SV2C: variants seen among roughly 807,000 people sequenced by gnomAD.
SV2C encodes solute carrier family 22 member B3.
SV2C carries 49 observed loss-of-function variants against 79.7 expected under a neutral mutation model. That is an observed-to-expected ratio of 0.61 (90% CI 0.49 to 0.78). The LOEUF (loss-of-function observed/expected upper bound fraction) is 0.78. Among genes scored for constraint, SV2C ranks in the 30% least tolerant of loss-of-function variants. The pLI is 0.00. For synonymous variants in SV2C, 334 were observed against 333.2 expected (o/e 1.00, Z -0.03); for missense variants, 833 against 912.9 (o/e 0.91, Z 1.13).
chr5:75,942,575 C>T, the SV2C span, among the ~76,000 whole-genome samples: 1 of 152,282 alleles, frequency 6.6e-6, no homozygotes, highest in African/African-American at 2.4e-5. Context: ...AATAAATGAA[C>T]TTATGTAAGC....
intron 4 of SV2C, among the ~76,000 whole-genome samples, chr5:76,238,997 A>G (rs989935447): frequency 1.3e-5 from 2 of 152,058 alleles, no homozygotes; most frequent in Non-Finnish European, 2.9e-5. Flanking sequence ...GAATTTCATT[A>G]TTTTCAGCCT....
intron 2 of SV2C, among the ~76,000 whole-genome samples, chr5:76,153,390 TTC>T (rs1425936430): frequency 2.6e-5 from 4 of 152,334 alleles, no homozygotes; most frequent in African/African-American, 9.6e-5. Context: ...TCCTGTAGTC[TTC>T]TCTCTGCTTC....
the SV2C span, among the ~76,000 whole-genome samples, chr5:76,033,680 A>G: frequency 5.5e-3 from 841 of 152,262 alleles, 4 homozygotes; most frequent in African/African-American, 0.019. Flanking sequence ...GTCAGGTAGC[A>G]TGATGCCTCC....
intron 2 of SV2C, among the ~76,000 whole-genome samples, chr5:76,160,449 G>A (rs1300745458): frequency 6.6e-6 from 1 of 152,088 alleles, no homozygotes; most frequent in Non-Finnish European, 1.5e-5. Context: ...ATTTTCAACA[G>A]GAATGCCAAG....
At chr5:76,349,630 C>CCACAAGAA (rs1036276238) in intron 12 of SV2C, among the ~76,000 whole-genome samples, 3 of 151,954 alleles carry the variant, frequency 2.0e-5, no homozygotes, top group African/African-American at 7.2e-5. Flanking sequence ...TTTTGGCTCT[C>CCACAAGAA]CACAAGAACA....
At chr5:76,238,312 G>GTGTGTGTA (rs1323355705) in intron 4 of SV2C, among the ~76,000 whole-genome samples, 1 of 151,898 alleles carries the variant, frequency 6.6e-6, no homozygotes, top group African/African-American at 2.4e-5. Flanking sequence ...GTATGTGTGT[G>GTGTGTGTA]TGTGTGTATG....
the SV2C span, among the ~76,000 whole-genome samples, chr5:75,954,011 G>T: frequency 6.6e-6 from 1 of 151,894 alleles, no homozygotes; most frequent in Non-Finnish European, 1.5e-5. Flanking sequence ...AGATTCTCAG[G>T]ATAGGATTCT....
At chr5:75,888,640 C>T in the SV2C span, among the ~76,000 whole-genome samples, 1 of 152,054 alleles carries the variant, frequency 6.6e-6, no homozygotes, top group Non-Finnish European at 1.5e-5. Context: ...GAGTCCTTCT[C>T]TACCAACTTC....
chr5:75,888,008 A>G, the SV2C span, among the ~76,000 whole-genome samples: 693 of 152,294 alleles, frequency 4.6e-3, 4 homozygotes, highest in African/African-American at 0.016. Context: ...ACACATAAAC[A>G]TCAATTTCCT....
chr5:76,209,601 A>C, intron 3 of SV2C, 135 bp from the exon 4 acceptor site: 1 of 886,398 alleles, frequency 1.1e-6, no homozygotes, highest in Non-Finnish European at 1.6e-6. Context: ...GTAAAATAAT[A>C]GAAAATATAT....
chr5:76,021,403 CT>C, the SV2C span, among the ~76,000 whole-genome samples: 1 of 152,174 alleles, frequency 6.6e-6, no homozygotes, highest in Non-Finnish European at 1.5e-5. Flanking sequence ...TGTTTATTCT[CT>C]TATTGATAGC....
intron 4 of SV2C, among the ~76,000 whole-genome samples, chr5:76,247,474 G>GA: frequency 6.6e-6 from 1 of 152,264 alleles, no homozygotes; most frequent in South Asian, 2.1e-4. Context: ...ATGAGAAATA[G>GA]AAAAAACATT....
At chr5:76,076,348 A>G in the SV2C span, among the ~76,000 whole-genome samples, 1 of 152,186 alleles carries the variant, frequency 6.6e-6, no homozygotes, top group Non-Finnish European at 1.5e-5. Context: ...ATAGTTTCCT[A>G]TTGCCTGCAC....
the SV2C span, among the ~76,000 whole-genome samples, chr5:75,964,684 C>T: frequency 6.6e-6 from 1 of 152,172 alleles, no homozygotes; most frequent in Non-Finnish European, 1.5e-5. Flanking sequence ...TACCAATCAA[C>T]ACTCTTCCTC....
chr5:76,308,559 C>G (rs761969542), intron 12 of SV2C, among the ~76,000 whole-genome samples: 1 of 152,182 alleles, frequency 6.6e-6, no homozygotes, highest in Non-Finnish European at 1.5e-5. Context: ...AGTTTTCTAT[C>G]TTGCTAGACT....
the SV2C span, among the ~76,000 whole-genome samples, chr5:75,894,947 G>A: frequency 0.058 from 8,834 of 152,106 alleles, 318 homozygotes; most frequent in Admixed American, 0.083. Flanking sequence ...ACTGACTGAC[G>A]GAGTGTTGAA....
At chr5:76,217,218 C>A (rs1744929441) in intron 4 of SV2C, among the ~76,000 whole-genome samples, 1 of 152,164 alleles carries the variant, frequency 6.6e-6, no homozygotes, top group Non-Finnish European at 1.5e-5. Context: ...ACGTCTCCAG[C>A]CATGATGCGA....
At chr5:76,235,061 T>C (rs1173635389) in intron 4 of SV2C, among the ~76,000 whole-genome samples, 7 of 152,144 alleles carry the variant, frequency 4.6e-5, no homozygotes, top group Admixed American at 2.6e-4. Context: ...CCACTTTTCC[T>C]ATCGTAATTA....
chr5:76,189,198 C>T (rs1744020771), intron 2 of SV2C, among the ~76,000 whole-genome samples: 1 of 148,052 alleles, frequency 6.8e-6, no homozygotes, highest in Admixed American at 6.7e-5. Flanking sequence ...ATTTTTCTAG[C>T]ATAAAATGAA....
Sources: allele counts gnomAD v4.1 joint callset (sites outside exome capture counted in the v4.1 genomes callset), GRCh38; gene constraint gnomAD v4.1.1; transcripts MANE v1.5; gene names NCBI Gene and HGNC (gene_info 2026-07-23, HGNC 2026-07-21).